DEPDC4: variants seen among roughly 807,000 people sequenced by gnomAD.
DEPDC4 encodes DEP domain containing 4.
A neutral mutation model predicts 52.0 loss-of-function variants in DEPDC4; 52 were observed. That is an observed-to-expected ratio of 1.00 (90% CI 0.80 to 1.26). The LOEUF (loss-of-function observed/expected upper bound fraction) is 1.26. DEPDC4 is among the 50% of genes most tolerant of loss of function. The probability of loss-of-function intolerance (pLI) is 0.00; values close to 1 mark genes in which losing one functional copy is unlikely to be tolerated. For missense variants in DEPDC4, 530 were observed against 546.9 expected (o/e 0.97, Z 0.31); for synonymous variants, 201 against 196.8 (o/e 1.02, Z -0.18).
the DEPDC4 span, among the ~76,000 whole-genome samples, chr12:100,272,587 G>C: frequency 2.0e-5 from 3 of 152,206 alleles, no homozygotes; most frequent in Admixed American, 2.0e-4. Flanking sequence ...ATCTCCATCT[G>C]AGTGTCATTC....
At chr12:100,281,019 G>GTTTTGTTTTTTTTTTTTTTTTTT in the DEPDC4 span, among the ~76,000 whole-genome samples, 4 of 50,494 alleles carry the variant, frequency 7.9e-5, no homozygotes, top group African/African-American at 2.8e-4. Flanking sequence ...TACCATCAGT[G>GTTTTGTTTTTTTTTTTTTTTTTT]TTTTTTTTTT....
chr12:100,266,589 G>C (rs1159709780), intron 1 of DEPDC4, among the ~76,000 whole-genome samples: 1 of 152,134 alleles, frequency 6.6e-6, no homozygotes, highest in Non-Finnish European at 1.5e-5. Flanking sequence ...CAGCAGCATT[G>C]GTGCCATCTG....
At chr12:100,239,830 C>T (rs2096151680), downstream of DEPDC4, among the ~76,000 whole-genome samples, 1 of 152,004 alleles carries the variant, frequency 6.6e-6, no homozygotes, top group South Asian at 2.1e-4. Flanking sequence ...TTGCTTGAGG[C>T]CAGGAGTTTG....
the DEPDC4 span, among the ~76,000 whole-genome samples, chr12:100,276,769 T>A: frequency 6.6e-6 from 1 of 152,194 alleles, no homozygotes; most frequent in East Asian, 1.9e-4. Flanking sequence ...TTAAATTCAG[T>A]CTCTTTCATT....
intron 7 of DEPDC4, among the ~76,000 whole-genome samples, chr12:100,251,569 G>A (rs953663291): frequency 6.6e-6 from 1 of 151,318 alleles, no homozygotes; most frequent in Admixed American, 6.6e-5. Context: ...CACCACCCCT[G>A]GCATTTTTTT....
chr12:100,272,137 ATT>A, the DEPDC4 span, among the ~76,000 whole-genome samples: 1 of 152,126 alleles, frequency 6.6e-6, no homozygotes, highest in Admixed American at 6.5e-5. Flanking sequence ...CCCAAATCCT[ATT>A]TTGGCTGAAA....
At chr12:100,259,365 T>C (rs1479250678) in intron 3 of DEPDC4, among the ~76,000 whole-genome samples, 4 of 152,208 alleles carry the variant, frequency 2.6e-5, no homozygotes, top group Admixed American at 6.5e-5. Flanking sequence ...CACCTGAGCA[T>C]GCCAGCAGGT....
chr12:100,273,857 A>G, the DEPDC4 span, among the ~76,000 whole-genome samples: 1 of 152,240 alleles, frequency 6.6e-6, no homozygotes, highest in African/African-American at 2.4e-5. Context: ...GTCCCTAAAA[A>G]GAAGAACCTC....
chr12:100,267,363 G>C, upstream of DEPDC4: 1 of 311,012 alleles, frequency 3.2e-6, no homozygotes, highest in South Asian at 6.8e-5. Context: ...GGGGGAAAGA[G>C]CCCCAGCACC....
chr12:100,249,375 G>A (rs757302783), intron 7 of DEPDC4, among the ~76,000 whole-genome samples: 37 of 152,104 alleles, frequency 2.4e-4, no homozygotes, highest in Non-Finnish European at 4.3e-4. Flanking sequence ...TAGGCCAGGC[G>A]TGGTGGCTCA....
At chr12:100,235,246 A>C (rs1375530814), downstream of DEPDC4, among the ~76,000 whole-genome samples, 1 of 151,964 alleles carries the variant, frequency 6.6e-6, no homozygotes, top group Non-Finnish European at 1.5e-5. Flanking sequence ...ATTTTATCCT[A>C]ATCTAGAATA....
At chr12:100,267,185 T>C, upstream of DEPDC4, 1 of 1,217,430 alleles carries the variant, frequency 8.2e-7, no homozygotes, top group Non-Finnish European at 1.1e-6. Flanking sequence ...TTAGTCTTTT[T>C]CCCCCTCCCT....
chr12:100,242,783 C>T (rs1427378870), intron 8 of DEPDC4, among the ~76,000 whole-genome samples: 2 of 152,182 alleles, frequency 1.3e-5, no homozygotes, highest in South Asian at 2.1e-4. Flanking sequence ...ATCCTGAGTC[C>T]ATCACATATC....
chr12:100,256,008 AAC>A, intron 4 of DEPDC4, 39 bp downstream of exon 4: 1 of 1,493,648 alleles, frequency 6.7e-7, no homozygotes, highest in Non-Finnish European at 9.1e-7. Context: ...ATGTGAAAAA[AAC>A]TGTTTACAAA....
chr12:100,254,375 G>A (rs2096223027), intron 4 of DEPDC4, among the ~76,000 whole-genome samples: 1 of 146,156 alleles, frequency 6.8e-6, no homozygotes, highest in South Asian at 2.2e-4. Context: ...GCCCAGGCTG[G>A]AGTACACTGG....
chr12:100,275,858 C>T, the DEPDC4 span, among the ~76,000 whole-genome samples: 1 of 152,084 alleles, frequency 6.6e-6, no homozygotes, highest in Admixed American at 6.5e-5. Context: ...CCTTCCTGTT[C>T]TTAGTTTCCT....
intron 3 of DEPDC4, among the ~76,000 whole-genome samples, chr12:100,259,081 A>AAAATATATATAT (rs543577636): frequency 2.7e-5 from 4 of 149,092 alleles, no homozygotes; most frequent in African/African-American, 1.0e-4. Context: ...AAAAAAAAAA[A>AAAATATATATAT]ATATATATAT....
chr12:100,275,010 C>G, the DEPDC4 span, among the ~76,000 whole-genome samples: 52 of 152,304 alleles, frequency 3.4e-4, no homozygotes, highest in African/African-American at 1.2e-3. Flanking sequence ...CATATTGAAT[C>G]TTCCAATTCA....
At chr12:100,244,506 G>T (rs1592872407) in intron 8 of DEPDC4, among the ~76,000 whole-genome samples, 1 of 151,454 alleles carries the variant, frequency 6.6e-6, no homozygotes, top group East Asian at 2.0e-4. Flanking sequence ...ACAGGGTCTT[G>T]CTCTGTCACC....
Sources: gnomAD v4.1 joint callset for allele counts (sites outside exome capture counted in the v4.1 genomes callset) on GRCh38, gnomAD v4.1.1 for gene constraint, MANE v1.5 for transcripts, NCBI Gene and HGNC (gene_info 2026-07-23, HGNC 2026-07-21) for gene names.